The following PRKG1 variants were observed in gnomAD, a reference collection of about 807,000 sequenced individuals.
PRKG1 encodes cGMP-dependent protein kinase 1.
A neutral mutation model predicts 88.1 loss-of-function variants in PRKG1; 35 were observed. That is an observed-to-expected ratio of 0.40 (90% CI 0.30 to 0.53). The LOEUF is 0.53. Ranked by LOEUF, PRKG1 falls within the 20% of genes least tolerant of loss-of-function variation. The pLI is 0.59. For synonymous variants in PRKG1, 303 were observed against 292.5 expected, an observed-to-expected ratio of 1.04 and a Z score of -0.37; for missense variants, 540 against 839.8, an observed-to-expected ratio of 0.64 and a Z score of 4.41.
intron 10 of PRKG1, among the ~76,000 whole-genome samples, chr10:52,254,476 A>T (rs1841261278): frequency 1.3e-5 from 2 of 152,040 alleles, no homozygotes; most frequent in South Asian, 4.1e-4. Flanking sequence ...GTTACACTTT[A>T]ATTTTAAAAT....
At chr10:51,346,308 T>TGGA (rs1197073651) in intron 2 of PRKG1, among the ~76,000 whole-genome samples, 4 of 152,214 alleles carry the variant, frequency 2.6e-5, no homozygotes, top group Non-Finnish European at 5.9e-5. Context: ...ATTTTAAAAA[T>TGGA]GGATTTGCGG....
In PRKG1 at chr10:51,479,912, G is replaced by A. The variant is rs144181752; in HGVS notation, c.592+12076G>A. Reference sequence around the variant, plus strand: ...ATGACAGTCTGGCATTCTGTTTTAGGACTTAGATGTTTCATTCAGTTGAAT... The same window carrying A: ...ATGACAGTCTGGCATTCTGTTTTAGAACTTAGATGTTTCATTCAGTTGAAT... On this transcript the variant is annotated intron_variant, in intron 3 of 17. Coordinates refer to ENST00000373980, the MANE Select transcript of PRKG1 (RefSeq NM_006258.4). Among the ~76,000 whole-genome samples the A allele has an allele frequency of 5.8e-3, 877 of 151,890 alleles. 8 individuals carry two copies. The highest frequency in any genetic ancestry group is 8.8e-3 in the Non-Finnish European group (597 of 67,932).
chr10:51,411,029 C>G (rs1362671493), intron 2 of PRKG1, among the ~76,000 whole-genome samples: 2 of 151,806 alleles, frequency 1.3e-5, no homozygotes, highest in Admixed American at 1.3e-4. Context: ...GAATCTCTCT[C>G]TGTCACCCAG....
chr10:51,464,598 A>G (rs1286145857), intron 2 of PRKG1, among the ~76,000 whole-genome samples: 38 of 152,102 alleles, frequency 2.5e-4, no homozygotes, highest in Non-Finnish European at 1.5e-5. Context: ...AGGCAAATAT[A>G]AGATAAGATC....
chr10:51,848,376 A>G (rs1297137983), intron 4 of PRKG1, among the ~76,000 whole-genome samples: 1 of 152,182 alleles, frequency 6.6e-6, no homozygotes, highest in Non-Finnish European at 1.5e-5. Context: ...AAAGCAGCCT[A>G]TTTTATGGTT....
intron 3 of PRKG1, among the ~76,000 whole-genome samples, chr10:51,760,817 GA>G (rs368535224): frequency 1.3e-3 from 191 of 152,192 alleles, no homozygotes; most frequent in African/African-American, 4.3e-3. Context: ...CAGAGAAATT[GA>G]AAAGAGGATC....
At chr10:52,123,792 A>G (rs1210203471) in intron 7 of PRKG1, among the ~76,000 whole-genome samples, 1 of 152,048 alleles carries the variant, frequency 6.6e-6, no homozygotes, top group Non-Finnish European at 1.5e-5. Flanking sequence ...TCTCTAACTA[A>G]TTTTAGAGAT....
chr10:52,040,642 C>T (rs541597431), intron 5 of PRKG1, among the ~76,000 whole-genome samples: 6 of 152,206 alleles, frequency 3.9e-5, no homozygotes, highest in Non-Finnish European at 7.4e-5. Context: ...GTTTGACTTC[C>T]TCCTTTCCAA....
chr10:52,096,648 C>T (rs574439372), intron 7 of PRKG1, among the ~76,000 whole-genome samples: 57 of 152,250 alleles, frequency 3.7e-4, no homozygotes, highest in Non-Finnish European at 7.2e-4. Context: ...TGTGACTTTG[C>T]ATTAATTTTC....
intron 2 of PRKG1, among the ~76,000 whole-genome samples, chr10:51,264,524 G>A (rs997949027): frequency 6.6e-6 from 1 of 152,180 alleles, no homozygotes; most frequent in African/African-American, 2.4e-5. Flanking sequence ...ATTCACATAT[G>A]TATCACGGTA....
At chr10:51,469,261 T>G (rs1839984221) in intron 3 of PRKG1, among the ~76,000 whole-genome samples, 1 of 151,858 alleles carries the variant, frequency 6.6e-6, no homozygotes, top group Non-Finnish European at 1.5e-5. Context: ...AAGACCAGAA[T>G]AGCATATTTT....
Position 51,366,287 on chromosome 10 carries a change from C to T in PRKG1, c.479-101436C>T, listed in dbSNP as rs1186268615. On this transcript the variant is annotated intron_variant, in intron 2 of 17. Transcript: ENST00000373980. ...TGTCTTTCAGTTTTTCCTAGTAGAA[C>T]ATGGAGTTCATCTGTGTTTGCAACC... is the stretch of plus-strand genomic sequence containing the variant. Among the ~76,000 whole-genome samples the T allele has an allele frequency of 3.9e-5, 6 of 152,036 alleles. No individual in the cohort carries two copies. The South Asian group carries it at 1.2e-3, about 32-fold the overall frequency.
In PRKG1 at chr10:51,261,319, C is replaced by A. The variant is rs1839699129; in HGVS notation, c.478+107989C>A. Among the ~76,000 whole-genome samples, 4 of 152,180 alleles carry A rather than the reference C, an allele frequency of 2.6e-5. 1 individual carries two copies. In the South Asian group the frequency reaches 8.3e-4, roughly 31 times the overall value. ...CAGAGATATTCCTAGAGCCTAAAAT[C>A]AAATATCTGTATTTCTCCAGATTAA... On this transcript the variant is annotated intron_variant, in intron 2 of 17. Coordinates refer to ENST00000373980, the MANE Select transcript of PRKG1 (RefSeq NM_006258.4).
rs1349953914 is a variant in PRKG1, at chr10:52,062,570, G to A, written c.874G>A (p.Asp292Asn). 2 of 1,606,892 alleles carry A rather than the reference G, an allele frequency of 1.2e-6. No homozygotes were observed. The highest frequency in any genetic ancestry group is 1.7e-5 in the Admixed American group (1 of 58,206). The change falls in exon 7 of 18, where the codon GAC becomes AAC. Residue 292 changes from aspartate to asparagine, a missense_variant. Physicochemically the swap from Asp to Asn is conservative, Grantham distance 23. This residue lies in a region of PRKG1 where 400 missense variants were observed against 562.7 expected (regional missense o/e 0.71). Coordinates refer to ENST00000373980, the MANE Select transcript of PRKG1 (RefSeq NM_006258.4). Reference sequence around the variant, plus strand: ...CACTCGTGAAGACTCACCGAGTGAAGACCCAGTCTTTCTTAGAACTTTAGG... The same window carrying A: ...CACTCGTGAAGACTCACCGAGTGAAAACCCAGTCTTTCTTAGAACTTTAGG... Reference protein sequence around the residue: ...NVTREDSPSEDPVFLRTLGKG... With the variant: ...NVTREDSPSENPVFLRTLGKG...
chr10:51,023,395 A>G (rs371688000), intron 1 of PRKG1, among the ~76,000 whole-genome samples: 9 of 152,204 alleles, frequency 5.9e-5, no homozygotes, highest in African/African-American at 2.2e-4. Context: ...GAGCATTGGG[A>G]AAGTCATGGC....
At chr10:51,700,209 C>A (rs1841429494) in intron 3 of PRKG1, among the ~76,000 whole-genome samples, 1 of 152,158 alleles carries the variant, frequency 6.6e-6, no homozygotes, top group East Asian at 1.9e-4. Context: ...CCGGCTGGGC[C>A]CTGCCCCCAT....
Position 51,708,417 on chromosome 10 carries a change from A to G in PRKG1, c.593-96168A>G, listed in dbSNP as rs1430817595. ...TGAGGGACATAATTGACTCCGTAAC[A>G]AGCAGTAATGCAGTAACCTCTAGGA... On this transcript the variant is annotated intron_variant, in intron 3 of 17. Coordinates refer to ENST00000373980, the MANE Select transcript of PRKG1 (RefSeq NM_006258.4). Among the ~76,000 whole-genome samples the G allele has an allele frequency of 3.3e-5, 5 of 152,308 alleles. No homozygotes were observed. The Middle Eastern group carries it at 0.01, about 311-fold the overall frequency.
chr10:51,801,385 C>A (rs1218442529), intron 3 of PRKG1, among the ~76,000 whole-genome samples: 1 of 151,988 alleles, frequency 6.6e-6, no homozygotes, highest in Admixed American at 6.6e-5. Flanking sequence ...AAATACAAAA[C>A]CCATTCTTAG....
At chr10:51,316,331 G>C (rs573112382) in intron 2 of PRKG1, among the ~76,000 whole-genome samples, 161 of 152,272 alleles carry the variant, frequency 1.1e-3, no homozygotes, top group African/African-American at 3.4e-3. Context: ...AGAATGTGTG[G>C]CTTTATTACT....
Sources: gnomAD v4.1 joint callset for allele counts (sites outside exome capture counted in the v4.1 genomes callset) on GRCh38, gnomAD v4.1.1 for gene constraint, gnomAD v4.1.1 regional missense constraint, MANE v1.5 for transcripts, NCBI Gene and HGNC (gene_info 2026-07-23, HGNC 2026-07-21) for gene names.